The following GPD2 variants were observed in gnomAD, a reference collection of about 807,000 sequenced individuals.
GPD2 encodes glycerol-3-phosphate dehydrogenase, mitochondrial.
Under a neutral mutation model 82.4 loss-of-function variants are expected in GPD2, and 54 were observed. The observed-to-expected ratio is 0.66, with a 90% CI of 0.53 to 0.82. The LOEUF (loss-of-function observed/expected upper bound fraction) is 0.82. GPD2 is among the 40% of genes least tolerant of loss of function. The pLI is 0.00. For missense variants in GPD2, 748 were observed against 896.2 expected (o/e 0.83, Z 2.11); for synonymous variants, 288 against 306.1 (o/e 0.94, Z 0.62).
chr2:156,407,027 A>C, the GPD2 span, among the ~76,000 whole-genome samples: 2 of 152,120 alleles, frequency 1.3e-5, no homozygotes, highest in Non-Finnish European at 2.9e-5. Context: ...CCTTGCTAAC[A>C]TGGTGAAACC....
At chr2:156,415,424 C>G in the GPD2 span, among the ~76,000 whole-genome samples, 1 of 151,914 alleles carries the variant, frequency 6.6e-6, no homozygotes, top group Non-Finnish European at 1.5e-5. Flanking sequence ...TTCCAAAGTG[C>G]TGGGATTACA....
At chr2:156,572,358 A>T (rs1445536654) in intron 13 of GPD2, among the ~76,000 whole-genome samples, 1 of 152,036 alleles carries the variant, frequency 6.6e-6, no homozygotes, top group Non-Finnish European at 1.5e-5. Flanking sequence ...ATTTTTTTTT[A>T]ACAAACACTT....
chr2:156,496,205 T>G lies in GPD2; in HGVS notation c.264T>G (p.Ala88=). 6.2e-7 allele frequency: 1 copy of G among 1,607,772 alleles called. No homozygotes were observed. Among genetic ancestry groups the G allele is most frequent in the Non-Finnish European group, 8.5e-7 (1 of 1,174,446 alleles). Residue 88 remains alanine (A), a synonymous_variant, in exon 3 of 17, where the codon GCT becomes GCG. Coordinates refer to ENST00000438166, the MANE Select transcript of GPD2 (RefSeq NM_000408.5). The part of the protein sequence containing the change: ...GATGSGCALD[A]VTRGLKTALV... ...CAGGAAGTGGCTGTGCGCTAGATGCTGTCACCAGAGGTAAGTCTTTTTTTT... is the reference window on the plus strand; with the variant it reads ...CAGGAAGTGGCTGTGCGCTAGATGCGGTCACCAGAGGTAAGTCTTTTTTTT...
At chr2:156,555,438 A>G (rs554179451) in intron 8 of GPD2, among the ~76,000 whole-genome samples, 23 of 152,326 alleles carry the variant, frequency 1.5e-4, no homozygotes, top group African/African-American at 5.5e-4. Flanking sequence ...ATTATTTTAG[A>G]CACATCATAT....
intron 2 of GPD2, among the ~76,000 whole-genome samples, chr2:156,483,531 G>C (rs1460868387): frequency 6.6e-6 from 1 of 151,974 alleles, no homozygotes; most frequent in Non-Finnish European, 1.5e-5. Context: ...TATAACATCA[G>C]AGTTTAAAAA....
At chr2:156,438,490 T>C (rs1409887591) in intron 1 of GPD2, among the ~76,000 whole-genome samples, 1 of 152,172 alleles carries the variant, frequency 6.6e-6, no homozygotes, top group African/African-American at 2.4e-5. Flanking sequence ...TTTCGGTTAG[T>C]TGAGTGTGTT....
chr2:156,548,515 C>T (rs1686634864), intron 6 of GPD2, among the ~76,000 whole-genome samples: 1 of 152,180 alleles, frequency 6.6e-6, no homozygotes, highest in Non-Finnish European at 1.5e-5. Context: ...TGGGGAGGGG[C>T]AGCAGAATCT....
chr2:156,440,154 G>A (rs1682116402), intron 1 of GPD2, among the ~76,000 whole-genome samples: 2 of 152,182 alleles, frequency 1.3e-5, no homozygotes, highest in African/African-American at 4.8e-5. Context: ...GAAGTGGTAT[G>A]TTAGGGGAAG....
intron 6 of GPD2, among the ~76,000 whole-genome samples, chr2:156,541,388 G>C (rs1686304978): frequency 6.6e-6 from 1 of 152,178 alleles, no homozygotes; most frequent in Admixed American, 6.5e-5. Flanking sequence ...CTCCACATTA[G>C]GTAAATTTGC....
intron 9 of GPD2, among the ~76,000 whole-genome samples, chr2:156,565,571 C>T (rs766453013): frequency 1.5e-4 from 23 of 152,038 alleles, no homozygotes; most frequent in Non-Finnish European, 3.1e-4. Flanking sequence ...AGGCTTTCCT[C>T]GCCAGTTAAT....
chr2:156,409,157 T>C, the GPD2 span, among the ~76,000 whole-genome samples: 1 of 152,222 alleles, frequency 6.6e-6, no homozygotes, highest in African/African-American at 2.4e-5. Context: ...CACCTTGATC[T>C]TGGATCTGTG....
chr2:156,458,580 C>T (rs895413451), intron 1 of GPD2, among the ~76,000 whole-genome samples: 1 of 152,230 alleles, frequency 6.6e-6, no homozygotes, highest in Non-Finnish European at 1.5e-5. Flanking sequence ...CCAGTTCTTA[C>T]TCAAAGATTC....
chr2:156,450,175 G>A (rs1472402214), intron 1 of GPD2, among the ~76,000 whole-genome samples: 2 of 152,336 alleles, frequency 1.3e-5, no homozygotes, highest in East Asian at 1.9e-4. Flanking sequence ...GAGAAGGGGA[G>A]AGCTGGGAGA....
chr2:156,481,109 G>T (rs958720115), intron 2 of GPD2, among the ~76,000 whole-genome samples: 1 of 151,866 alleles, frequency 6.6e-6, no homozygotes, highest in Admixed American at 6.6e-5. Context: ...ACACCTAGCT[G>T]TACTTTTCTT....
At chr2:156,462,647 T>G (rs1683030886) in intron 1 of GPD2, among the ~76,000 whole-genome samples, 1 of 152,030 alleles carries the variant, frequency 6.6e-6, no homozygotes, top group Non-Finnish European at 1.5e-5. Context: ...TTTGTTTCAT[T>G]CACAGTGTGT....
At chr2:156,422,378 T>G in the GPD2 span, among the ~76,000 whole-genome samples, 1 of 152,236 alleles carries the variant, frequency 6.6e-6, no homozygotes, top group East Asian at 1.9e-4. Flanking sequence ...AAACTGTCTT[T>G]GTAGGTTGTT....
intron 9 of GPD2, among the ~76,000 whole-genome samples, chr2:156,561,281 C>T (rs1260604253): frequency 2.0e-5 from 3 of 151,964 alleles, no homozygotes; most frequent in Admixed American, 6.6e-5. Flanking sequence ...CTCCTGACCT[C>T]GTGATCCACC....
intron 6 of GPD2, among the ~76,000 whole-genome samples, chr2:156,524,496 A>G (rs1186514712): frequency 1.3e-5 from 2 of 152,108 alleles, no homozygotes; most frequent in Non-Finnish European, 2.9e-5. Flanking sequence ...GGTGGCCACA[A>G]CTTGGTCTGG....
At chr2:156,568,272 A>T (rs1186563837) in intron 9 of GPD2, among the ~76,000 whole-genome samples, 1 of 152,086 alleles carries the variant, frequency 6.6e-6, no homozygotes, top group African/African-American at 2.4e-5. Flanking sequence ...GCTTTGTGAG[A>T]TTAAATGAGA....
Sources: gnomAD v4.1 joint callset for allele counts (sites outside exome capture counted in the v4.1 genomes callset) on GRCh38, gnomAD v4.1.1 for gene constraint, MANE v1.5 for transcripts, NCBI Gene and HGNC (gene_info 2026-07-23, HGNC 2026-07-21) for gene names.